Variants in B4GALT1 observed in about 807,000 individuals in gnomAD.
The protein encoded by B4GALT1 is beta-1,4-galactosyltransferase 1.
A neutral mutation model predicts 34.9 loss-of-function variants in B4GALT1; 16 were observed. The observed-to-expected ratio is 0.46, with a 90% CI of 0.31 to 0.70. The LOEUF is 0.70. Among genes scored for constraint, B4GALT1 ranks in the 30% least tolerant of loss-of-function variants. The pLI, the probability that B4GALT1 is intolerant of heterozygous loss-of-function variation, is 0.05. For missense variants in B4GALT1, 445 were observed against 530.5 expected (o/e 0.84, Z 1.58); for synonymous variants, 221 against 218.1 (o/e 1.01, Z -0.12).
chr9:33,123,358 A>C (rs961675925), intron 2 of B4GALT1, among the ~76,000 whole-genome samples: 11 of 152,120 alleles, frequency 7.2e-5, no homozygotes, highest in Non-Finnish European at 1.2e-4. Context: ...TTATTATAAT[A>C]TACTGTGAAT....
chr9:33,146,999 C>A (rs1031702022), intron 1 of B4GALT1, among the ~76,000 whole-genome samples: 3 of 152,022 alleles, frequency 2.0e-5, no homozygotes, highest in African/African-American at 7.2e-5. Context: ...CCACACCTGG[C>A]CCCCAAATGC....
chr9:33,156,858 A>T (rs547949755), intron 1 of B4GALT1, among the ~76,000 whole-genome samples: 1 of 152,172 alleles, frequency 6.6e-6, no homozygotes, highest in South Asian at 2.1e-4. Flanking sequence ...GCCCCATGCT[A>T]TAGGTTTAGC....
At chr9:33,116,468 G>A (rs566616850) in intron 3 of B4GALT1, among the ~76,000 whole-genome samples, 8 of 148,692 alleles carry the variant, frequency 5.4e-5, no homozygotes, top group African/African-American at 2.0e-4. Flanking sequence ...GTGATCCACC[G>A]GCCTCGGCCT....
chr9:33,180,346 G>C, the B4GALT1 span, among the ~76,000 whole-genome samples: 1 of 152,180 alleles, frequency 6.6e-6, no homozygotes, highest in Non-Finnish European at 1.5e-5. Context: ...CAACAGAATA[G>C]AGCAGGACCA....
intron 1 of B4GALT1, among the ~76,000 whole-genome samples, chr9:33,136,235 T>G (rs10124479): frequency 0.36 from 55,033 of 151,906 alleles, 10,513 homozygotes; most frequent in East Asian, 0.6. Context: ...GCAGATGAGA[T>G]AAGTAAGTTA....
Position 33,130,961 on chromosome 9 carries a change from G to A in B4GALT1, c.648+4228C>T, listed in dbSNP as rs148105409. Among the ~76,000 whole-genome samples, 47 of 152,174 alleles carry A rather than the reference G, an allele frequency of 3.1e-4. No homozygotes were observed. In the East Asian group the frequency reaches 8.3e-3, roughly 27 times the overall value. On this transcript the variant is annotated intron_variant, in intron 2 of 5. Transcript: ENST00000379731. Reference sequence around the variant, plus strand: ...GGCAGGAGTGGACCCTCCTAGTAACGGCTGGTATTTACTGAAGGTTTACCA... The same window carrying A: ...GGCAGGAGTGGACCCTCCTAGTAACAGCTGGTATTTACTGAAGGTTTACCA...
chr9:33,136,907 G>A (rs544123104), intron 1 of B4GALT1, among the ~76,000 whole-genome samples: 1 of 152,146 alleles, frequency 6.6e-6, no homozygotes, highest in East Asian at 1.9e-4. Flanking sequence ...CCCTACTCCC[G>A]GAATCACTCG....
intron 1 of B4GALT1, among the ~76,000 whole-genome samples, chr9:33,153,254 G>A (rs902974174): frequency 6.6e-6 from 1 of 152,184 alleles, no homozygotes; most frequent in Non-Finnish European, 1.5e-5. Flanking sequence ...CAAACTGACA[G>A]TATCTATCAA....
chr9:33,107,487 G>T (rs188847461), downstream of B4GALT1, among the ~76,000 whole-genome samples: 1 of 152,226 alleles, frequency 6.6e-6, no homozygotes, highest in African/African-American at 2.4e-5. Flanking sequence ...CGCCCAGGGA[G>T]GCGCCACTCA....
intron 2 of B4GALT1, among the ~76,000 whole-genome samples, chr9:33,127,031 G>T (rs1458977728): frequency 6.6e-6 from 1 of 152,006 alleles, no homozygotes; most frequent in South Asian, 2.1e-4. Context: ...GCGCGATCTC[G>T]GCTCACTGCA....
intron 2 of B4GALT1, among the ~76,000 whole-genome samples, chr9:33,105,479 A>G (rs1839788977): frequency 6.6e-6 from 1 of 152,172 alleles, no homozygotes; most frequent in South Asian, 2.1e-4. Flanking sequence ...TAGCAACTGA[A>G]AAGTCAGTCA....
intron 1 of B4GALT1, among the ~76,000 whole-genome samples, chr9:33,166,104 G>A (rs763536535): frequency 5.7e-4 from 87 of 152,304 alleles, no homozygotes; most frequent in Non-Finnish European, 8.7e-4. Context: ...CCACACAGAG[G>A]AAGAAATGAA....
chr9:33,116,201 TTTAAAG>T (rs1839935387), intron 3 of B4GALT1, 88 bp from the exon 4 acceptor site: 3 of 1,473,078 alleles, frequency 2.0e-6, no homozygotes, highest in African/African-American at 1.4e-5. Flanking sequence ...CATAAACACT[TTTAAAG>T]TTATTCTTTT....
At chr9:33,121,708 G>GT (rs199842520) in intron 2 of B4GALT1, among the ~76,000 whole-genome samples, 6 of 151,960 alleles carry the variant, frequency 3.9e-5, no homozygotes, top group Middle Eastern at 3.4e-3. Flanking sequence ...AGGATGTTTT[G>GT]TTTTTTTTAT....
intron 2 of B4GALT1, among the ~76,000 whole-genome samples, chr9:33,133,183 A>C (rs1007018757): frequency 6.6e-6 from 1 of 152,230 alleles, no homozygotes; most frequent in African/African-American, 2.4e-5. Context: ...GATTACAGGC[A>C]TGAGCCACTG....
intron 4 of B4GALT1, 122 bp from the exon 5 acceptor site, chr9:33,114,000 C>T (rs1336893472): frequency 1.1e-6 from 1 of 896,930 alleles, no homozygotes; most frequent in East Asian, 2.6e-5. Context: ...AGCCCACAAC[C>T]CAGCATCATG....
chr9:33,136,332 A>T (rs1840272281), intron 1 of B4GALT1, among the ~76,000 whole-genome samples: 2 of 152,094 alleles, frequency 1.3e-5, no homozygotes, highest in African/African-American at 4.8e-5. Context: ...AGGGATGAGG[A>T]AAACGTCACA....
chr9:33,138,563 A>C (rs911091138), intron 1 of B4GALT1, among the ~76,000 whole-genome samples: 2 of 152,154 alleles, frequency 1.3e-5, no homozygotes, highest in Non-Finnish European at 2.9e-5. Context: ...CAAGCGTCAC[A>C]TTTACCTACG....
At chr9:33,167,945 C>T (rs1166803161), upstream of B4GALT1, among the ~76,000 whole-genome samples, 1 of 152,258 alleles carries the variant, frequency 6.6e-6, no homozygotes, top group Non-Finnish European at 1.5e-5. Flanking sequence ...CGGGTTGCCA[C>T]TTCTGTGCCT....
Sources: gnomAD v4.1 joint callset for allele counts (sites outside exome capture counted in the v4.1 genomes callset) on GRCh38, gnomAD v4.1.1 for gene constraint, MANE v1.5 for transcripts, NCBI Gene and HGNC (gene_info 2026-07-23, HGNC 2026-07-21) for gene names.